The following DST variants were observed in gnomAD, a reference collection of about 807,000 sequenced individuals.
The protein encoded by DST is bullous pemphigoid antigen.
In DST, 253 loss-of-function variants were observed where a neutral mutation model predicts 875.2. The ratio of observed to expected loss-of-function variants is 0.29; its 90% confidence interval spans 0.26 to 0.32. The LOEUF (loss-of-function observed/expected upper bound fraction) is 0.32, where lower values mean the gene tolerates loss of function less well. Ranked by LOEUF, DST falls within the 10% of genes least tolerant of loss-of-function variation. The pLI is 1.00. For missense variants in DST, 8,287 were observed against 9,111.6 expected (o/e 0.91, Z 3.68); for synonymous variants, 3,124 against 3,197.1 (o/e 0.98, Z 0.77).
intron 5 of DST, among the ~76,000 whole-genome samples, chr6:56,732,240 G>T (rs1311554255): frequency 1.3e-5 from 2 of 152,074 alleles, no homozygotes; most frequent in Non-Finnish European, 2.9e-5. Flanking sequence ...ATATAGAGTG[G>T]CATACACTTG....
intron 2 of DST, among the ~76,000 whole-genome samples, chr6:56,925,296 T>A (rs1446113617): frequency 1.3e-5 from 2 of 152,210 alleles, no homozygotes; most frequent in Non-Finnish European, 2.9e-5. Flanking sequence ...AAAAGCTTTC[T>A]TAGCATAATA....
In DST at chr6:56,640,683, G is replaced by C. The variant is rs1290748529; in HGVS notation, c.2028-78C>G. On this transcript the variant is annotated intron_variant, in intron 17 of 103. Coordinates refer to ENST00000680361, the MANE Select transcript of DST (RefSeq NM_001374736.1). Reference sequence around the variant, plus strand: ...AGAGTGAACTCTAATGTTAATTATAGGTTTTAGTTAATAATGATGTATCAA... The same window carrying C: ...AGAGTGAACTCTAATGTTAATTATACGTTTTAGTTAATAATGATGTATCAA... 18 of 1,143,100 alleles carry C rather than the reference G, an allele frequency of 1.6e-5. No individual in the cohort carries two copies. In the South Asian group the frequency reaches 2.1e-4, roughly 13 times the overall value. 70.8% of individuals were successfully genotyped at this position (1,143,100 alleles called of 1,614,324 possible).
At chr6:56,609,473 A>G in intron 39 of DST, 129 bp from the exon 40 acceptor site, 1 of 680,290 alleles carries the variant, frequency 1.5e-6, no homozygotes, top group Non-Finnish European at 2.5e-6. Context: ...ACCAAGGCGC[A>G]GCAATGCTGT....
chr6:56,476,825 G>A (rs574412490), intron 91 of DST, among the ~76,000 whole-genome samples: 18 of 152,136 alleles, frequency 1.2e-4, no homozygotes, highest in East Asian at 5.8e-4. Context: ...GGTGGCACGC[G>A]CCTGTAATCC....
At position 56,618,611 on chromosome 6, in the gene DST, T is replaced by C. The variant is rs139868117; in HGVS notation, c.4930-4127A>G. On this transcript the variant is annotated intron_variant, in intron 36 of 103. Transcript: ENST00000680361. ...TTGCTGCATTTGTTCACGATACTGT[T>C]GAAGCTGTCTTTCAAGTTCTTTAAT... The C allele has an allele frequency of 8.8e-5, 142 of 1,614,188 alleles. No homozygotes were observed. In the African/African-American group the frequency reaches 1.3e-3, roughly 15 times the overall value.
At chr6:56,782,572 C>T (rs1360720443) in intron 4 of DST, among the ~76,000 whole-genome samples, 69 of 150,716 alleles carry the variant, frequency 4.6e-4, no homozygotes, top group South Asian at 1.9e-3. Flanking sequence ...TGGTGATATC[C>T]CCTTTATCAT....
At chr6:56,658,862 A>T (rs2099024021) in intron 10 of DST, among the ~76,000 whole-genome samples, 1 of 152,192 alleles carries the variant, frequency 6.6e-6, no homozygotes, top group African/African-American at 2.4e-5. Flanking sequence ...TGATGAAAAA[A>T]GGCATGCATA....
intron 63 of DST, 56 bp from the exon 64 acceptor site, chr6:56,532,566 G>A: frequency 6.9e-7 from 1 of 1,441,600 alleles, no homozygotes; most frequent in Non-Finnish European, 9.4e-7. Context: ...TGAATATAAA[G>A]TACAATGTAT....
rs1222497336 is a variant in DST at position 56,552,910 on chromosome 6, C to T, written c.15882G>A (p.Glu5294=). The change falls in exon 61 of 104, where the codon GAG becomes GAA. Residue 5294 remains glutamate (E), a synonymous_variant. Transcript: ENST00000680361. ...CCAGCGAATCATGGATATCTAGCTG[C>T]TCCTTTGCACACTGAAGCTGCCTTT... ...ESKRQLQCAK[E]QLDIHDSLGS... 2 of 1,613,998 alleles carry T rather than the reference C, an allele frequency of 1.2e-6. No individual in the cohort carries two copies. The highest frequency in any genetic ancestry group is 1.1e-5 in the South Asian group (1 of 91,080).
chr6:56,601,363 TCA>T, intron 44 of DST, 78 bp downstream of exon 44: 1 of 892,908 alleles, frequency 1.1e-6, no homozygotes, highest in Non-Finnish European at 1.7e-6. Context: ...ATCTTTCCTG[TCA>T]CACTATACTC....
chr6:56,815,247 T>C (rs2099765222), intron 4 of DST, among the ~76,000 whole-genome samples: 1 of 152,112 alleles, frequency 6.6e-6, no homozygotes, highest in Admixed American at 6.5e-5. Context: ...GAATAGAAAA[T>C]GGAGCTATAA....
At chr6:56,657,759 A>AT (rs892802285) in intron 10 of DST, among the ~76,000 whole-genome samples, 1 of 151,986 alleles carries the variant, frequency 6.6e-6, no homozygotes, top group Non-Finnish European at 1.5e-5. Flanking sequence ...TCACAATCTA[A>AT]TTTTTTTATT....
intron 32 of DST, 94 bp from the exon 33 acceptor site, chr6:56,628,255 G>A: frequency 1.8e-6 from 2 of 1,111,548 alleles, no homozygotes. Flanking sequence ...TAATTGGACT[G>A]CAATGAACTA....
intron 81 of DST, 160 bp downstream of exon 81, chr6:56,497,696 G>C: frequency 3.2e-6 from 3 of 948,142 alleles, no homozygotes; most frequent in Non-Finnish European, 4.6e-6. Context: ...GAACTAGAAA[G>C]CTGTGTTCTC....
intron 9 of DST, among the ~76,000 whole-genome samples, chr6:56,675,530 T>C (rs774768307): frequency 3.7e-4 from 57 of 152,204 alleles, no homozygotes; most frequent in Non-Finnish European, 7.2e-4. Context: ...CCAAAATATA[T>C]AAGGAACTAA....
At chr6:56,631,478 T>C in intron 29 of DST, 89 bp from the exon 30 acceptor site, 2 of 1,036,942 alleles carry the variant, frequency 1.9e-6, no homozygotes, top group Non-Finnish European at 1.5e-6. Context: ...ACATTTCACA[T>C]TAAGAACCAA....
chr6:56,847,600 A>G (rs2099808525), intron 4 of DST, among the ~76,000 whole-genome samples: 1 of 152,140 alleles, frequency 6.6e-6, no homozygotes, highest in Admixed American at 6.5e-5. Context: ...TTGTTCTTGT[A>G]GTTCCATCCC....
intron 3 of DST, among the ~76,000 whole-genome samples, chr6:56,875,337 C>T (rs1282160431): frequency 6.6e-6 from 1 of 152,184 alleles, no homozygotes; most frequent in Non-Finnish European, 1.5e-5. Flanking sequence ...TTTTACAGGT[C>T]TCATCACATT....
chr6:56,883,412 T>A (rs1783134087), intron 3 of DST, among the ~76,000 whole-genome samples: 1 of 152,114 alleles, frequency 6.6e-6, no homozygotes, highest in African/African-American at 2.4e-5. Flanking sequence ...AGACAACAAA[T>A]AAGCAAATAG....
Sources: gnomAD v4.1 joint callset for allele counts (sites outside exome capture counted in the v4.1 genomes callset) on GRCh38, gnomAD v4.1.1 for gene constraint, MANE v1.5 for transcripts, NCBI Gene and HGNC (gene_info 2026-07-23, HGNC 2026-07-21) for gene names.